The following ANKS1B variants were observed in gnomAD, a reference collection of about 807,000 sequenced individuals.
ANKS1B encodes ankyrin repeat and sterile alpha motif domain containing 1B.
A neutral mutation model predicts 148.3 loss-of-function variants in ANKS1B; 36 were observed. The ratio of observed to expected loss-of-function variants is 0.24; its 90% CI spans 0.19 to 0.32. The LOEUF is 0.32. ANKS1B is among the 10% of genes least tolerant of loss of function. The pLI is 1.00. For synonymous variants in ANKS1B, 542 were observed against 560.8 expected (o/e 0.97, Z 0.47); for missense variants, 1,157 against 1,542.6 (o/e 0.75, Z 4.19).
At chr12:99,427,699 C>G (rs1429009907) in intron 11 of ANKS1B, among the ~76,000 whole-genome samples, 1 of 152,154 alleles carries the variant, frequency 6.6e-6, no homozygotes, top group Non-Finnish European at 1.5e-5. Flanking sequence ...ATTACCTGTA[C>G]TATGATGAAG....
Position 99,053,049 on chromosome 12 carries a change from G to A in ANKS1B, c.2778+108C>T, listed in dbSNP as rs191407834. The A allele has an allele frequency of 4.2e-6, 4 of 961,352 alleles. No individual in the cohort carries two copies. The African/African-American group carries it at 6.8e-5, about 16-fold the overall frequency. The allele number at this position is 961,352 out of a possible 1,614,324, so 59.6% of individuals were successfully genotyped here. ...GAGAGATCGATATTTAAAACAGAAG[G>A]CATATCTATAAATCCCCATTGGATG... On this transcript the variant is annotated intron_variant, in intron 17 of 26. Transcript: ENST00000683438.
intron 17 of ANKS1B, among the ~76,000 whole-genome samples, chr12:98,879,600 CCT>C (rs2152491191): frequency 6.6e-6 from 1 of 151,826 alleles, no homozygotes; most frequent in Non-Finnish European, 1.5e-5. Flanking sequence ...TTTTTTTTCC[CCT>C]CTCCTCCAAT....
rs12823105 is a variant in ANKS1B at position 99,792,664 on chromosome 12, T to G, written c.670-10567A>C. Among the ~76,000 whole-genome samples, 830 of 151,912 alleles carry G rather than the reference T, an allele frequency of 5.5e-3. 21 individuals carry two copies. The South Asian group carries it at 0.063, about 11-fold the overall frequency. ...ATATTTGATGCAGTCCAACATCCCT[T>G]CCTGTTTTAAAAAAAAATAGTCAAA... is the stretch of plus-strand genomic sequence containing the variant. On this transcript the variant is annotated intron_variant, in intron 4 of 26. Coordinates refer to ENST00000683438, the MANE Select transcript of ANKS1B (RefSeq NM_001352186.2).
intron 9 of ANKS1B, among the ~76,000 whole-genome samples, chr12:99,610,314 C>T (rs531586924): frequency 2.0e-5 from 3 of 152,090 alleles, no homozygotes; most frequent in Admixed American, 2.0e-4. Context: ...GCAGTAAGGC[C>T]TGTCCTCATT....
chr12:99,846,194 C>A (rs562672246), intron 1 of ANKS1B, among the ~76,000 whole-genome samples: 3 of 152,012 alleles, frequency 2.0e-5, no homozygotes, highest in Non-Finnish European at 4.4e-5. Context: ...AGCAGCTTTG[C>A]CTTTTAATTC....
intron 17 of ANKS1B, among the ~76,000 whole-genome samples, chr12:98,995,940 C>T (rs1452783847): frequency 6.6e-6 from 1 of 152,122 alleles, no homozygotes; most frequent in African/African-American, 2.4e-5. Context: ...AGAGGGTTCC[C>T]TTGAATCATC....
rs367705899 is a variant in ANKS1B, at chr12:99,003,631, G to T, written c.2778+49526C>A. On this transcript the variant is annotated intron_variant, in intron 17 of 26. Coordinates refer to ENST00000683438, the MANE Select transcript of ANKS1B (RefSeq NM_001352186.2). The stretch of plus-strand genomic sequence containing the variant: ...GGAATTTGAAATTGTATATTTATGT[G>T]TGTACCTATTTGTTTCATGGCTCTA... Among the ~76,000 whole-genome samples, 14 of 152,264 alleles carry T rather than the reference G, an allele frequency of 9.2e-5. No homozygotes were observed. In the East Asian group the frequency reaches 2.3e-3, roughly 25 times the overall value.
chr12:99,740,668 G>A (rs889874380), intron 8 of ANKS1B, among the ~76,000 whole-genome samples: 16 of 152,244 alleles, frequency 1.1e-4, no homozygotes, highest in African/African-American at 3.9e-4. Flanking sequence ...TGCAGAAGGC[G>A]GGTGATTTCT....
chr12:99,522,158 CTTGT>C (rs2153062902), intron 9 of ANKS1B, among the ~76,000 whole-genome samples: 1 of 152,250 alleles, frequency 6.6e-6, no homozygotes, highest in South Asian at 2.1e-4. Context: ...GGATCCTAGA[CTTGT>C]TTTTGTACTT....
At chr12:99,773,356 T>A (rs2063369402) in intron 7 of ANKS1B, among the ~76,000 whole-genome samples, 1 of 152,156 alleles carries the variant, frequency 6.6e-6, no homozygotes, top group Non-Finnish European at 1.5e-5. Context: ...CATAAAAGCA[T>A]CTGGAATTAC....
intron 12 of ANKS1B, among the ~76,000 whole-genome samples, chr12:99,390,908 C>T (rs564098627): frequency 6.6e-6 from 1 of 152,328 alleles, no homozygotes; most frequent in Admixed American, 6.5e-5. Flanking sequence ...CTGGCAGAGA[C>T]TCAGAGGGAC....
At chr12:99,206,016 T>C (rs1313458417) in intron 14 of ANKS1B, among the ~76,000 whole-genome samples, 1 of 152,188 alleles carries the variant, frequency 6.6e-6, no homozygotes, top group East Asian at 1.9e-4. Flanking sequence ...GGGCATGATT[T>C]GGGCACTTGA....
intron 17 of ANKS1B, among the ~76,000 whole-genome samples, chr12:98,987,840 C>A (rs2099924358): frequency 6.6e-6 from 1 of 152,090 alleles, no homozygotes; most frequent in Non-Finnish European, 1.5e-5. Flanking sequence ...ACAGCCAAAA[C>A]ACAGAAAAAT....
chr12:99,586,915 T>C (rs1261805657), intron 9 of ANKS1B, among the ~76,000 whole-genome samples: 2 of 152,208 alleles, frequency 1.3e-5, no homozygotes, highest in Admixed American at 6.5e-5. Context: ...TTGGGTACCT[T>C]CCACAACATG....
chr12:99,498,991 T>A (rs1304091807), intron 10 of ANKS1B, among the ~76,000 whole-genome samples: 1 of 152,126 alleles, frequency 6.6e-6, no homozygotes, highest in East Asian at 1.9e-4. Context: ...ATAGGATTGA[T>A]GCAAAACCTA....
chr12:99,399,052 G>A (rs914223085), intron 12 of ANKS1B, among the ~76,000 whole-genome samples: 2 of 152,016 alleles, frequency 1.3e-5, no homozygotes, highest in Non-Finnish European at 2.9e-5. Context: ...CCTTGGCCTT[G>A]CCAGGCGTTA....
At chr12:99,895,146 T>C (rs2093335217) in intron 1 of ANKS1B, among the ~76,000 whole-genome samples, 1 of 150,996 alleles carries the variant, frequency 6.6e-6, no homozygotes, top group South Asian at 2.1e-4. Flanking sequence ...TCTGTGGATT[T>C]TGAGTAAAGC....
chr12:98,808,917 C>T (rs940567484), intron 19 of ANKS1B, among the ~76,000 whole-genome samples: 2 of 152,228 alleles, frequency 1.3e-5, no homozygotes, highest in African/African-American at 4.8e-5. Flanking sequence ...AAGGCAAGCA[C>T]ATAACCATAA....
chr12:98,970,956 T>C (rs912800602), intron 17 of ANKS1B, among the ~76,000 whole-genome samples: 1 of 152,168 alleles, frequency 6.6e-6, no homozygotes, highest in Non-Finnish European at 1.5e-5. Flanking sequence ...ATTAATACTC[T>C]TGAAGGGGAA....
Sources: gnomAD v4.1 joint callset for allele counts (sites outside exome capture counted in the v4.1 genomes callset) on GRCh38, gnomAD v4.1.1 for gene constraint, MANE v1.5 for transcripts, NCBI Gene and HGNC (gene_info 2026-07-23, HGNC 2026-07-21) for gene names.